Variants in AEBP2 observed in about 807,000 individuals in gnomAD.
The protein encoded by AEBP2 is zinc finger protein AEBP2.
AEBP2 carries 10 observed loss-of-function variants against 50.8 expected under a neutral mutation model. That is an observed-to-expected ratio of 0.20 (90% CI 0.12 to 0.33). The LOEUF is 0.33. AEBP2 is among the 10% of genes least tolerant of loss of function. AEBP2 has a pLI of 1.00. For missense variants in AEBP2, 570 were observed against 688.0 expected, an observed-to-expected ratio of 0.83 and a Z score of 1.92; for synonymous variants, 296 against 261.3, an observed-to-expected ratio of 1.13 and a Z score of -1.28.
intron 1 of AEBP2, among the ~76,000 whole-genome samples, chr12:19,417,931 C>T (rs2095743492): frequency 6.6e-6 from 1 of 151,928 alleles, no homozygotes; most frequent in South Asian, 2.1e-4. Context: ...TCTCAATCTC[C>T]TGACCTCTGA....
intron 5 of AEBP2, 118 bp downstream of exon 5, chr12:19,500,339 C>G (rs934673949): frequency 9.5e-7 from 1 of 1,054,232 alleles, no homozygotes; most frequent in Non-Finnish European, 1.3e-6. Context: ...ATCACAAAAC[C>G]TTTTGTTTTA....
intron 3 of AEBP2, among the ~76,000 whole-genome samples, chr12:19,476,541 C>T (rs1948651779): frequency 6.6e-6 from 1 of 152,006 alleles, no homozygotes; most frequent in South Asian, 2.1e-4. Flanking sequence ...AGAGCTTCAC[C>T]CTGTTGGTCA....
chr12:19,426,140 T>G (rs2095748420), intron 1 of AEBP2, among the ~76,000 whole-genome samples: 1 of 152,118 alleles, frequency 6.6e-6, no homozygotes, highest in African/African-American at 2.4e-5. Flanking sequence ...TTCACCATGT[T>G]GCCCAGGCTG....
At chr12:19,499,797 C>T (rs192767256) in intron 4 of AEBP2, among the ~76,000 whole-genome samples, 4 of 151,928 alleles carry the variant, frequency 2.6e-5, no homozygotes, top group Admixed American at 6.6e-5. Flanking sequence ...TATGCTGAGG[C>T]GAGATGTTGG....
intron 1 of AEBP2, among the ~76,000 whole-genome samples, chr12:19,458,085 G>T (rs902413121): frequency 6.6e-6 from 1 of 152,192 alleles, no homozygotes; most frequent in Admixed American, 6.5e-5. Flanking sequence ...TATAAGTTTA[G>T]GTGGATTGTC....
At chr12:19,470,572 C>A (rs1315884279) in intron 2 of AEBP2, among the ~76,000 whole-genome samples, 1 of 152,084 alleles carries the variant, frequency 6.6e-6, no homozygotes, top group African/African-American at 2.4e-5. Context: ...TTTGGTTTTT[C>A]TTTGAATCTG....
chr12:19,476,562 G>A (rs1026967382), intron 3 of AEBP2, among the ~76,000 whole-genome samples: 3 of 152,050 alleles, frequency 2.0e-5, no homozygotes, highest in Non-Finnish European at 4.4e-5. Flanking sequence ...GGCTGGTCTC[G>A]AACTCCTGAC....
rs1947925630 is a variant in AEBP2 at position 19,440,195 on chromosome 12, G to A, written c.496G>A (p.Gly166Ser). Residue 166 changes from glycine (G) to serine (S), a missense_variant, in exon 1 of 8, where the codon GGC (glycine) becomes AGC (serine). Around this residue, in one of 2 missense-constraint regions of AEBP2, gnomAD observed 386 missense variants for 336.8 expected, o/e 1.15. Coordinates refer to ENST00000266508, the MANE Select transcript of AEBP2 (RefSeq NM_153207.5). Reference protein sequence around the residue: ...EGLEEPKGPRGSQGGGGGGSS... With the variant: ...EGLEEPKGPRSSQGGGGGGSS... The stretch of plus-strand genomic sequence containing the variant: ...CCTGGAGGAGCCCAAGGGACCGCGG[G>A]GCAGCCAGGGCGGCGGCGGGGGCGG... The A allele has an allele frequency of 1.4e-6, 2 of 1,452,568 alleles. No individual in the cohort carries two copies. The highest frequency in any genetic ancestry group is 2.7e-5 in the East Asian group (1 of 37,246). The allele number at this position is 1,452,568 out of a possible 1,614,324, so 90.0% of individuals were successfully genotyped here.
chr12:19,475,415 G>A (rs1948633031), intron 3 of AEBP2, among the ~76,000 whole-genome samples: 1 of 151,982 alleles, frequency 6.6e-6, no homozygotes, highest in South Asian at 2.1e-4. Context: ...CCTTCTTATG[G>A]CTTGAGTAGT....
intron 4 of AEBP2, 138 bp downstream of exon 4, chr12:19,494,124 G>C: frequency 1.1e-6 from 1 of 923,992 alleles, no homozygotes; most frequent in South Asian, 1.8e-5. Context: ...CTGTCAGTGA[G>C]AGTGAGAATT....
intron 1 of AEBP2, among the ~76,000 whole-genome samples, chr12:19,441,889 C>T (rs1010256931): frequency 1.3e-5 from 2 of 152,138 alleles, no homozygotes; most frequent in South Asian, 4.1e-4. Flanking sequence ...ACTCAGTATA[C>T]ACGTATTATG....
intron 2 of AEBP2, among the ~76,000 whole-genome samples, chr12:19,464,616 G>A (rs1948439724): frequency 6.7e-6 from 1 of 149,938 alleles, no homozygotes; most frequent in Admixed American, 6.7e-5. Context: ...GACAGAGTTT[G>A]GTTCTTGTTG....
At chr12:19,457,098 CTTAAT>C (rs1425107052) in intron 1 of AEBP2, 1 of 1,602,584 alleles carries the variant, frequency 6.2e-7, no homozygotes. Context: ...AGCCAATTTT[CTTAAT>C]TTAAGTGTTG....
At chr12:19,467,686 T>TAA (rs1405028175) in intron 2 of AEBP2, among the ~76,000 whole-genome samples, 2 of 152,208 alleles carry the variant, frequency 1.3e-5, no homozygotes, top group Non-Finnish European at 2.9e-5. Flanking sequence ...CCTCTTAATA[T>TAA]AAGTCTTGGA....
intron 4 of AEBP2, among the ~76,000 whole-genome samples, chr12:19,499,859 G>A (rs761418076): frequency 1.3e-5 from 2 of 152,160 alleles, no homozygotes; most frequent in Non-Finnish European, 2.9e-5. Flanking sequence ...GTGGAATCAT[G>A]AGGTTTGAGG....
upstream of AEBP2, among the ~76,000 whole-genome samples, chr12:19,436,015 G>T (rs1382971703): frequency 6.6e-6 from 1 of 152,148 alleles, no homozygotes; most frequent in African/African-American, 2.4e-5. Context: ...TTCCCAGGAG[G>T]TTAGGCATTC....
chr12:19,455,822 C>CT (rs1434242341), intron 1 of AEBP2, among the ~76,000 whole-genome samples: 4 of 152,198 alleles, frequency 2.6e-5, no homozygotes, highest in Non-Finnish European at 4.4e-5. Context: ...ATTGACATCT[C>CT]TAACAACGTG....
At position 19,423,607 on chromosome 12, in the gene AEBP2, C is replaced by T. The variant is rs112870651; in HGVS notation, c.-17+19391C>T. ...ATGTTTAGCTTCCACTTATATAAAT[C>T]AGCGGATGCTATTGATCTTTACTAA... On this transcript the variant is annotated intron_variant, in intron 1 of 3. Coordinates refer to the AEBP2 transcript ENST00000538425. Among the ~76,000 whole-genome samples the T allele has an allele frequency of 2.9e-3, 436 of 152,256 alleles. 1 individual carries two copies. The highest frequency in any genetic ancestry group is 9.9e-3 in the African/African-American group (412 of 41,568).
At chr12:19,443,078 G>A (rs1274194688) in intron 1 of AEBP2, among the ~76,000 whole-genome samples, 1 of 147,720 alleles carries the variant, frequency 6.8e-6, no homozygotes, top group Non-Finnish European at 1.5e-5. Flanking sequence ...AGAATTTGTT[G>A]AACATCTTTG....
Sources: allele counts gnomAD v4.1 joint callset (sites outside exome capture counted in the v4.1 genomes callset), GRCh38; gene constraint gnomAD v4.1.1; regional missense constraint gnomAD v4.1.1; transcripts MANE v1.5; gene names NCBI Gene and HGNC (gene_info 2026-07-23, HGNC 2026-07-21).